LDB3: variants seen among roughly 807,000 people sequenced by gnomAD.
LDB3 encodes LIM domain binding 3, also known as LIM domain-binding protein 3.
A neutral mutation model predicts 69.0 loss-of-function variants in LDB3; 49 were observed. The ratio of observed to expected loss-of-function variants is 0.71; its 90% CI spans 0.56 to 0.90. LDB3 has a LOEUF of 0.90. Ranked by LOEUF, LDB3 falls within the 40% of genes least tolerant of loss-of-function variation. LDB3 has a pLI of 0.00. For synonymous variants in LDB3, 387 were observed against 396.2 expected (o/e 0.98, Z 0.28); for missense variants, 928 against 974.1 (o/e 0.95, Z 0.63).
At chr10:86,677,220 A>G (rs1844844904) in intron 2 of LDB3, among the ~76,000 whole-genome samples, 1 of 152,158 alleles carries the variant, frequency 6.6e-6, no homozygotes, top group Non-Finnish European at 1.5e-5. Flanking sequence ...GGGACCTCCA[A>G]CATGGTATGG....
At chr10:86,678,672 T>C (rs1011256572) in intron 2 of LDB3, among the ~76,000 whole-genome samples, 16 of 152,092 alleles carry the variant, frequency 1.1e-4, no homozygotes, top group African/African-American at 3.9e-4. Flanking sequence ...AGAGTCTCCC[T>C]CTGTCACCCA....
chr10:86,716,494 C>T lies in LDB3; in HGVS notation c.1399C>T (p.Pro467Ser). Residue 467 changes from proline to serine, a missense_variant, in exon 10 of 14, where the codon CCC becomes TCC. Transcript: ENST00000361373. ...ACCAGCCTATACCCCCTCACCTGCC[C>T]CCAACTATAACCCTGCACCCTCGGT... ...PAPAYTPSPA[P>S]NYNPAPSVAY... 6.2e-7 allele frequency: 1 copy of T among 1,612,036 alleles called. No individual in the cohort carries two copies. The highest frequency in any genetic ancestry group is 2.2e-5 in the East Asian group (1 of 44,716).
chr10:86,668,401 T>C (rs2803555), upstream of LDB3: 379,024 of 503,232 alleles, frequency 0.75, 144,526 homozygotes, highest in African/African-American at 0.94. Context: ...GTGTGAGTCA[T>C]GGTGGACCGG....
rs77754745 is a variant in LDB3, at chr10:86,700,206, C to T, written c.897-6325C>T. ...AGCGCAGCTCTGGTCCTGCTGCTCT[C>T]CTGCCCCACAGGTTCCGAGCCCAGC... On this transcript the variant is annotated intron_variant, in intron 7 of 13. Coordinates refer to ENST00000361373, the MANE Select transcript of LDB3 (RefSeq NM_007078.3). Among the ~76,000 whole-genome samples, 928 of 152,282 alleles carry T rather than the reference C, an allele frequency of 6.1e-3. 14 individuals are homozygous for T. Among genetic ancestry groups the T allele is most frequent in the African/African-American group, 0.021 (893 of 41,550 alleles).
chr10:86,710,151 T>C, intron 9 of LDB3, 101 bp downstream of exon 9: 1 of 1,551,414 alleles, frequency 6.4e-7, no homozygotes, highest in African/African-American at 1.4e-5. Flanking sequence ...CCCAGAAGAA[T>C]GGGAAGCAAG....
At chr10:86,712,958 G>A (rs1846722598) in intron 9 of LDB3, among the ~76,000 whole-genome samples, 1 of 152,036 alleles carries the variant, frequency 6.6e-6, no homozygotes, top group East Asian at 1.9e-4. Flanking sequence ...CTACTCGGGA[G>A]GCTATGGCAG....
Position 86,733,143 on chromosome 10 carries a change from A to G in LDB3, c.*167A>G. On this transcript the variant is annotated 3_prime_UTR_variant, in exon 14 of 14. Transcript: ENST00000361373. ...TTTTTCTTCTGTACACAGATCGTGC[A>G]TTTGCATAGTTCAGACTAGGAGCCA... is the stretch of plus-strand genomic sequence containing the variant. 1.4e-5 allele frequency: 9 copies of G among 627,304 alleles called. No homozygotes were observed. Among genetic ancestry groups the G allele is most frequent in the Non-Finnish European group, 2.6e-5 (9 of 350,176 alleles). 38.9% of individuals were successfully genotyped at this position (627,304 alleles called of 1,614,324 possible).
chr10:86,676,612 C>T (rs1392803649), intron 2 of LDB3, among the ~76,000 whole-genome samples: 3 of 150,850 alleles, frequency 2.0e-5, no homozygotes, highest in African/African-American at 4.9e-5. Context: ...GGCACCACAG[C>T]CCCTAGGGCT....
Position 86,716,438 on chromosome 10 carries a change from C to T in LDB3, c.1343C>T (p.Ser448Leu), listed in dbSNP as rs1472954368. The change falls in exon 10 of 14, where the codon TCA becomes TTA. Residue 448 changes from serine (S) to leucine (L), a missense_variant. Ser to Leu is a moderately radical substitution (Grantham distance 145). Coordinates refer to ENST00000361373, the MANE Select transcript of LDB3 (RefSeq NM_007078.3). The stretch of plus-strand genomic sequence containing the variant: ...TCCCCTGCCCCTGCCTACACCCCCT[C>T]ACCTGTCCCCACCTACACTCCATCC... ...TPSPAPAYTP[S>L]PVPTYTPSPA... The T allele has an allele frequency of 6.3e-7, 1 of 1,587,306 alleles. No homozygotes were observed. The highest frequency in any genetic ancestry group is 1.4e-5 in the African/African-American group (1 of 71,714).
At chr10:86,704,259 T>C (rs993232744) in intron 7 of LDB3, among the ~76,000 whole-genome samples, 3 of 152,174 alleles carry the variant, frequency 2.0e-5, no homozygotes, top group Non-Finnish European at 4.4e-5. Flanking sequence ...AGTGTTATAG[T>C]GGTGAGGCCC....
At chr10:86,717,534 A>G (rs1210701327) in intron 10 of LDB3, among the ~76,000 whole-genome samples, 1 of 152,204 alleles carries the variant, frequency 6.6e-6, no homozygotes, top group Non-Finnish European at 1.5e-5. Context: ...CAATTCCCCT[A>G]TCTAAAAATG....
In LDB3 at chr10:86,713,828, C is replaced by T. The variant is rs1028664553; in HGVS notation, c.1232-2499C>T. Among the ~76,000 whole-genome samples the T allele has an allele frequency of 8.5e-5, 13 of 152,200 alleles. No individual in the cohort carries two copies. In the East Asian group the frequency reaches 2.5e-3, roughly 29 times the overall value. On this transcript the variant is annotated intron_variant, in intron 9 of 13. Transcript: ENST00000361373. ...TCACCCCAGCAGGTCCCCAGCATGC[C>T]CTGTGGGGCAGGCAGGGTGTCAGGC...
At position 86,695,943 on chromosome 10, in the gene LDB3, T is replaced by C. The variant is rs549993203; in HGVS notation, c.896+3372T>C. ...GCAGCCTCTGCGTTTCCCTGATGCC[T>C]GCCTGGGTAAAGAGCTCTGCATCTC... is the stretch of plus-strand genomic sequence containing the variant. On this transcript the variant is annotated intron_variant, in intron 7 of 13. Coordinates refer to ENST00000361373, the MANE Select transcript of LDB3 (RefSeq NM_007078.3). Among the ~76,000 whole-genome samples, 10 of 152,370 alleles carry C rather than the reference T, an allele frequency of 6.6e-5. No individual in the cohort carries two copies. The South Asian group carries it at 2.1e-3, about 32-fold the overall frequency.
chr10:86,682,688 A>G (rs537565212), intron 5 of LDB3, among the ~76,000 whole-genome samples: 1 of 152,308 alleles, frequency 6.6e-6, no homozygotes, highest in African/African-American at 2.4e-5. Flanking sequence ...CCTCCGAATC[A>G]TGGAGGAATC....
At chr10:86,668,926 C>A in intron 2 of LDB3, 142 bp downstream of exon 2, 1 of 684,148 alleles carries the variant, frequency 1.5e-6, no homozygotes, top group Non-Finnish European at 2.5e-6. Context: ...GCCTGGTCCT[C>A]TGGTCTCAGC....
intron 2 of LDB3, among the ~76,000 whole-genome samples, chr10:86,678,970 A>G (rs1329614915): frequency 6.6e-6 from 1 of 152,170 alleles, no homozygotes; most frequent in Non-Finnish European, 1.5e-5. Context: ...CAGAACAACA[A>G]AAGTTTCTCA....
intron 2 of LDB3, among the ~76,000 whole-genome samples, chr10:86,674,505 A>AG (rs1844666004): frequency 6.6e-6 from 1 of 152,134 alleles, no homozygotes; most frequent in African/African-American, 2.4e-5. Context: ...TTGGCCTCCA[A>AG]ACACCTGCAG....
chr10:86,729,152 G>C (rs370790941), intron 13 of LDB3, among the ~76,000 whole-genome samples: 2 of 152,304 alleles, frequency 1.3e-5, no homozygotes, highest in East Asian at 3.9e-4. Context: ...CATTTGGGCA[G>C]TACAAGAGTG....
At chr10:86,732,757 G>C (rs1451197131) in intron 13 of LDB3, 130 bp from the exon 14 acceptor site, 1 of 698,266 alleles carries the variant, frequency 1.4e-6, no homozygotes, top group Non-Finnish European at 2.6e-6. Flanking sequence ...GCCTGCCTTG[G>C]CCTTCCAAAG....
Sources: allele counts gnomAD v4.1 joint callset (sites outside exome capture counted in the v4.1 genomes callset), GRCh38; gene constraint gnomAD v4.1.1; transcripts MANE v1.5; gene names NCBI Gene and HGNC (gene_info 2026-07-23, HGNC 2026-07-21).